Variants in WIPI1 observed in about 807,000 individuals in gnomAD.
WIPI1 encodes the protein WD repeat domain phosphoinositide-interacting protein 1.
Under a neutral mutation model 55.3 loss-of-function variants are expected in WIPI1, and 45 were observed. That is an observed-to-expected ratio of 0.81 (90% CI 0.64 to 1.04). The LOEUF (loss-of-function observed/expected upper bound fraction) is 1.04. WIPI1 is among the 50% of genes least tolerant of loss of function. The pLI is 0.00. For missense variants in WIPI1, 445 were observed against 559.0 expected (o/e 0.80, Z 2.06); for synonymous variants, 195 against 217.6 (o/e 0.90, Z 0.92).
chr17:68,426,254 G>GCCCCCGC, intron 11 of WIPI1, 79 bp from the exon 12 acceptor site: 1 of 816,924 alleles, frequency 1.2e-6, no homozygotes, highest in Admixed American at 2.3e-5. Flanking sequence ...GGGAGCGGGG[G>GCCCCCGC]CTCAAATAAA....
rs139044411 is a variant in WIPI1, at chr17:68,452,967, C to T, written c.106G>A (p.Gly36Arg). 1.1e-4 allele frequency: 176 copies of T among 1,613,930 alleles called. No individual in the cohort carries two copies. The highest frequency in any genetic ancestry group is 4.0e-5 in the African/African-American group (3 of 74,898). The change falls in exon 2 of 13, where the codon GGG becomes AGG. Residue 36 changes from glycine (G) to arginine (R), a missense_variant. By Grantham distance (125) the Gly-to-Arg change is moderately radical (BLOSUM62 -2). Transcript: ENST00000262139. ...GAACTCAGAGAAAACAGCTTATACC[C>T]GGCTTTAGTTCCAGTTGCTAGGGAT... ...CTSLATGTKA[G>R]YKLFSLSSVE... is the part of the protein sequence containing the mutation.
chr17:68,449,655 C>T (rs1009561288), intron 3 of WIPI1, among the ~76,000 whole-genome samples: 4 of 152,214 alleles, frequency 2.6e-5, no homozygotes, highest in Admixed American at 6.5e-5. Flanking sequence ...CCACGTAAGA[C>T]GCCTGCTCCC....
In WIPI1 at chr17:68,424,335, C is replaced by A. The variant is rs916090560; in HGVS notation, c.1293+1740G>T. On this transcript the variant is annotated intron_variant, in intron 12 of 12. Coordinates refer to ENST00000262139, the MANE Select transcript of WIPI1 (RefSeq NM_017983.7). Reference sequence around the variant, plus strand: ...TGTGGGAAATCACAAAACAACAGCCCCAGCCCTGCATGCAGGGCCCCACCG... The same window carrying A: ...TGTGGGAAATCACAAAACAACAGCCACAGCCCTGCATGCAGGGCCCCACCG... 6.3e-6 allele frequency: 3 copies of A among 474,246 alleles called. No individual in the cohort carries two copies. The Admixed American group carries it at 7.1e-5, about 11-fold the overall frequency. The allele number at this position is 474,246 out of a possible 1,614,324, so 29.4% of individuals were successfully genotyped here.
chr17:68,437,430 C>G (rs530699777), intron 4 of WIPI1, among the ~76,000 whole-genome samples: 2 of 152,088 alleles, frequency 1.3e-5, no homozygotes, highest in East Asian at 3.9e-4. Flanking sequence ...TTGCATGTGC[C>G]TGTAGTCCCA....
In WIPI1 at chr17:68,450,770, G is replaced by A; in HGVS notation, c.291C>T (p.Tyr97=). 2 of 1,613,506 alleles carry A rather than the reference G, an allele frequency of 1.2e-6. No homozygotes were observed. The highest frequency in any genetic ancestry group is 1.7e-5 in the Admixed American group (1 of 59,958). Reference sequence around the variant, plus strand: ...TGGACAAGATGTTGCTGGAGTAGCTGTAATTACAGATCTCTGTGCCTTTCT... The same window carrying A: ...TGGACAAGATGTTGCTGGAGTAGCTATAATTACAGATCTCTGTGCCTTTCT... ...HFKKGTEICN[Y]SYSSNILSIR... is the part of the protein sequence containing the mutation. Residue 97 remains tyrosine, a synonymous_variant, in exon 3 of 13, where the codon TAC becomes TAT. Transcript: ENST00000262139.
intron 4 of WIPI1, among the ~76,000 whole-genome samples, chr17:68,439,573 A>G (rs1489572439): frequency 6.6e-6 from 1 of 152,238 alleles, no homozygotes; most frequent in African/African-American, 2.4e-5. Flanking sequence ...TTCCGTGAAT[A>G]TACCAAAAGC....
chr17:68,424,392 T>C (rs537208891), intron 12 of WIPI1: 1 of 530,082 alleles, frequency 1.9e-6, no homozygotes, highest in East Asian at 5.5e-5. Context: ...ATGTGCTCAC[T>C]AGAGGGTTCC....
chr17:68,435,773 T>TC, intron 5 of WIPI1, 61 bp from the exon 6 acceptor site: 1 of 1,450,238 alleles, frequency 6.9e-7, no homozygotes, highest in Non-Finnish European at 9.7e-7. Flanking sequence ...GGATTTCACC[T>TC]CCCTCCCCTT....
chr17:68,428,675 G>A (rs562607904), intron 10 of WIPI1, 154 bp downstream of exon 10: 121 of 605,096 alleles, frequency 2.0e-4, no homozygotes, highest in East Asian at 1.9e-3. Flanking sequence ...CACAGAGCCC[G>A]GTGCAGAGCA....
rs1243828704 is a variant in WIPI1, at chr17:68,426,112, C to A, written c.1256G>T (p.Gly419Val). Residue 419 changes from glycine (G) to valine (V), a missense_variant, in exon 12 of 13, where the codon GGA becomes GTA. Physicochemically the swap from Gly to Val is moderately radical, Grantham distance 109. Coordinates refer to ENST00000262139, the MANE Select transcript of WIPI1 (RefSeq NM_017983.7). ...ATTCTCATCATCAAGACACACTGGT[C>A]CCGTCGCAAACTCATGTTCAGGAAT... ...EVIPEHEFAT[G>V]PVCLDDENEF... The A allele has an allele frequency of 3.3e-5, 54 of 1,612,666 alleles. No homozygotes were observed. Among genetic ancestry groups the A allele is most frequent in the Non-Finnish European group, 4.5e-5 (53 of 1,180,014 alleles).
intron 5 of WIPI1, among the ~76,000 whole-genome samples, chr17:68,435,995 G>C (rs541376777): frequency 6.6e-6 from 1 of 152,260 alleles, no homozygotes; most frequent in African/African-American, 2.4e-5. Flanking sequence ...CGCCCTGCAC[G>C]CATCTTTAGG....
rs1262246755 is a variant in WIPI1, at chr17:68,434,578, CAT to C, written c.668_669del (p.Tyr223Ter). ...VFSVPDGQKL[Y>X]EFRRGMKRYV... ...GACCTTTTCATCCCTCTCCGGAACT[CAT>C]AGAGCTTTTGCCCATCAGGGACAGA... On this transcript the variant is annotated frameshift_variant, in exon 7 of 13. Transcript: ENST00000262139. LOFTEE classifies it high-confidence loss of function. The C allele has an allele frequency of 1.2e-6, 2 of 1,613,938 alleles. No homozygotes were observed. The highest frequency in any genetic ancestry group is 1.7e-6 in the Non-Finnish European group (2 of 1,179,942).
At chr17:68,447,825 T>C (rs1260550975) in intron 3 of WIPI1, among the ~76,000 whole-genome samples, 2 of 151,854 alleles carry the variant, frequency 1.3e-5, no homozygotes, top group Non-Finnish European at 2.9e-5. Flanking sequence ...ACCCCATCTC[T>C]ACTAAAAATA....
chr17:68,431,178 C>T (rs530999669), intron 8 of WIPI1, among the ~76,000 whole-genome samples: 4 of 152,160 alleles, frequency 2.6e-5, no homozygotes, highest in Non-Finnish European at 4.4e-5. Flanking sequence ...AGAAAAACCA[C>T]GTGAGCAGTT....
At chr17:68,448,128 T>C (rs1568648584) in intron 3 of WIPI1, among the ~76,000 whole-genome samples, 1 of 152,010 alleles carries the variant, frequency 6.6e-6, no homozygotes, top group Non-Finnish European at 1.5e-5. Flanking sequence ...TGCTACAGAA[T>C]AGAACAGGAC....
chr17:68,426,251 G>GGGGGGGGGGGGGGTA, intron 11 of WIPI1, 76 bp from the exon 12 acceptor site: 1 of 825,460 alleles, frequency 1.2e-6, no homozygotes, highest in Admixed American at 2.3e-5. Context: ...GTGGGGAGCG[G>GGGGGGGGGGGGGGTA]GGGCTCAAAT....
intron 4 of WIPI1, chr17:68,440,559 G>A (rs889555290): frequency 3.3e-5 from 5 of 152,184 alleles, no homozygotes; most frequent in African/African-American, 1.2e-4. Context: ...GAACATCTGA[G>A]CATATTTTCT....
intron 12 of WIPI1, chr17:68,422,055 G>C (rs148993949): frequency 7.2e-6 from 4 of 553,642 alleles, no homozygotes; most frequent in South Asian, 2.1e-5. Context: ...GTGTGTGTGT[G>C]TATGTATTTA....
intron 5 of WIPI1, 115 bp downstream of exon 5, chr17:68,436,267 A>G: frequency 1.1e-6 from 1 of 887,774 alleles, no homozygotes; most frequent in Non-Finnish European, 1.9e-6. Flanking sequence ...ACTCCCCAGT[A>G]TTGCTTACTC....
Sources: allele counts gnomAD v4.1 joint callset (sites outside exome capture counted in the v4.1 genomes callset), GRCh38; gene constraint gnomAD v4.1.1; transcripts MANE v1.5; gene names NCBI Gene and HGNC (gene_info 2026-07-23, HGNC 2026-07-21).